The following PCDH15 variants were observed in gnomAD, a reference collection of about 807,000 sequenced individuals.
PCDH15 encodes the protein protocadherin-15.
PCDH15 carries 129 observed loss-of-function variants against 178.5 expected under a neutral mutation model. The ratio of observed to expected loss-of-function variants is 0.72; its 90% CI spans 0.63 to 0.84. PCDH15 has a LOEUF of 0.84. Among genes scored for constraint, PCDH15 ranks in the 40% least tolerant of loss-of-function variants. The pLI is 0.00. For synonymous variants in PCDH15, 800 were observed against 732.0 expected (o/e 1.09, Z -1.50); for missense variants, 2,230 against 2,099.9 (o/e 1.06, Z -1.21).
chr10:54,637,536 G>A (rs543074309), intron 2 of PCDH15, among the ~76,000 whole-genome samples: 1 of 151,826 alleles, frequency 6.6e-6, no homozygotes. Context: ...CTCACAACAC[G>A]CACTTATTCC....
intron 3 of PCDH15, among the ~76,000 whole-genome samples, chr10:54,412,533 T>C (rs1410235206): frequency 6.6e-6 from 1 of 152,128 alleles, no homozygotes; most frequent in Non-Finnish European, 1.5e-5. Context: ...CCGAAGTTAG[T>C]TGTGATAGTA....
chr10:53,993,752 T>C (rs1371975738), intron 21 of PCDH15, among the ~76,000 whole-genome samples: 2 of 152,196 alleles, frequency 1.3e-5, no homozygotes, highest in African/African-American at 4.8e-5. Flanking sequence ...ATTGCAACTA[T>C]GCTCACTTAA....
intron 37 of PCDH15, chr10:53,809,188 G>A (rs1393321560): frequency 6.2e-7 from 1 of 1,613,746 alleles, no homozygotes; most frequent in African/African-American, 1.3e-5. Flanking sequence ...CTCTTCTGTA[G>A]TCTCAGACTC....
chr10:55,159,330 G>A (rs992814491), intron 2 of PCDH15, among the ~76,000 whole-genome samples: 35 of 141,570 alleles, frequency 2.5e-4, no homozygotes, highest in Admixed American at 5.8e-4. Context: ...CCTTTAGGAG[G>A]TAAGATTACC....
chr10:53,934,359 G>T (rs1310703930), intron 25 of PCDH15, among the ~76,000 whole-genome samples: 2 of 152,052 alleles, frequency 1.3e-5, no homozygotes, highest in Non-Finnish European at 2.9e-5. Context: ...CAAGCTATAA[G>T]TTACCTAGAG....
chr10:55,182,631 CAGTA>C (rs973396023), intron 1 of PCDH15, among the ~76,000 whole-genome samples: 3 of 151,868 alleles, frequency 2.0e-5, no homozygotes, highest in Admixed American at 1.3e-4. Context: ...GACTATCAAA[CAGTA>C]AGTAATACAT....
rs747044448 is a variant in PCDH15 at position 54,607,874 on chromosome 10, C to A, written c.91+56298G>T. The A allele has an allele frequency of 5.7e-6, 3 of 529,076 alleles. No homozygotes were observed. In the East Asian group the frequency reaches 1.7e-4, roughly 30 times the overall value. 32.8% of individuals were successfully genotyped at this position (529,076 alleles called of 1,614,324 possible). ...TGTGAGCAAGACACTGCTAATCAGGCTATTAGGTTGGTCCAAAAGTAATTA... is the reference window on the plus strand; with the variant it reads ...TGTGAGCAAGACACTGCTAATCAGGATATTAGGTTGGTCCAAAAGTAATTA... On this transcript the variant is annotated intron_variant, in intron 2 of 37. Transcript: ENST00000644397.
At chr10:54,685,434 C>A (rs1285062630) in intron 1 of PCDH15, among the ~76,000 whole-genome samples, 2 of 152,058 alleles carry the variant, frequency 1.3e-5, no homozygotes, top group Non-Finnish European at 2.9e-5. Context: ...TTTGTTTATA[C>A]CAGAATCACC....
At chr10:54,117,595 A>G (rs1422865169) in intron 15 of PCDH15, among the ~76,000 whole-genome samples, 1 of 152,148 alleles carries the variant, frequency 6.6e-6, no homozygotes, top group East Asian at 1.9e-4. Flanking sequence ...AATGAGGTAC[A>G]TAGACAAATG....
At chr10:53,880,979 T>C (rs1332794862) in intron 26 of PCDH15, among the ~76,000 whole-genome samples, 4 of 152,342 alleles carry the variant, frequency 2.6e-5, no homozygotes, top group Admixed American at 1.3e-4. Context: ...TCTCTCTCTC[T>C]GTATGTGTAT....
intron 2 of PCDH15, among the ~76,000 whole-genome samples, chr10:55,588,741 G>A (rs1320624194): frequency 6.6e-6 from 1 of 151,954 alleles, no homozygotes; most frequent in Admixed American, 6.6e-5. Flanking sequence ...AAGTCAAAAA[G>A]GTGAATATAA....
Position 54,369,275 on chromosome 10 carries a change from G to A in PCDH15, c.319C>T (p.Pro107Ser), listed in dbSNP as rs372716511. 3.7e-6 allele frequency: 6 copies of A among 1,612,006 alleles called. No individual in the cohort carries two copies. In the African/African-American group the frequency reaches 8.0e-5, roughly 22 times the overall value. ...ACAATGGAGTGTATGTTCATCGGTG[G>A]CTGCAATGTAGAAATTGCATCTTTT... ...NSTGRVLDRD[P>S]PMNIHSIVVQ... Residue 107 changes from proline (P) to serine (S), a missense_variant and splice_region_variant, in exon 5 of 38, where the codon CCA becomes TCA. Transcript: ENST00000644397.
intron 3 of PCDH15, among the ~76,000 whole-genome samples, chr10:54,403,917 G>A (rs569519263): frequency 6.6e-6 from 1 of 151,440 alleles, no homozygotes; most frequent in South Asian, 2.1e-4. Context: ...ACAGGAAGGT[G>A]AAAGATCTCT....
intron 2 of PCDH15, among the ~76,000 whole-genome samples, chr10:55,618,772 A>C (rs574775001): frequency 6.6e-6 from 1 of 152,168 alleles, no homozygotes; most frequent in South Asian, 2.1e-4. Flanking sequence ...GACCTTGTAC[A>C]ATTGCCCAGT....
chr10:54,938,850 T>C (rs1482653637), intron 2 of PCDH15, among the ~76,000 whole-genome samples: 2 of 152,098 alleles, frequency 1.3e-5, no homozygotes, highest in South Asian at 2.1e-4. Flanking sequence ...AAGAAAGATA[T>C]AGAAAAACGT....
chr10:55,021,631 G>C (rs1840331185), intron 2 of PCDH15, among the ~76,000 whole-genome samples: 1 of 152,094 alleles, frequency 6.6e-6, no homozygotes, highest in Non-Finnish European at 1.5e-5. Flanking sequence ...TTAAAGTATA[G>C]ATATTCTTCT....
intron 18 of PCDH15, among the ~76,000 whole-genome samples, chr10:54,031,688 CT>C (rs1449291830): frequency 2.0e-5 from 3 of 152,068 alleles, no homozygotes; most frequent in Non-Finnish European, 2.9e-5. Context: ...AGGCCTCTTA[CT>C]AAGTAAGCAT....
intron 25 of PCDH15, among the ~76,000 whole-genome samples, chr10:53,937,631 T>G (rs115067703): frequency 6.6e-6 from 1 of 152,176 alleles, no homozygotes; most frequent in Non-Finnish European, 1.5e-5. Flanking sequence ...TTTGGTTGTA[T>G]CTCTACAAGG....
chr10:55,382,152 C>T (rs1837548437), intron 2 of PCDH15, among the ~76,000 whole-genome samples: 1 of 152,112 alleles, frequency 6.6e-6, no homozygotes, highest in Non-Finnish European at 1.5e-5. Context: ...ATACTAGCCA[C>T]AAATTCATCT....
Sources: allele counts gnomAD v4.1 joint callset (sites outside exome capture counted in the v4.1 genomes callset), GRCh38; gene constraint gnomAD v4.1.1; transcripts MANE v1.5; gene names NCBI Gene and HGNC (gene_info 2026-07-23, HGNC 2026-07-21).